Variants in NBPF11 observed in about 807,000 individuals in gnomAD.
NBPF11 encodes the protein NBPF family member NBPF11.
A neutral mutation model predicts 93.9 loss-of-function variants in NBPF11; 72 were observed. The ratio of observed to expected loss-of-function variants is 0.77; its 90% CI spans 0.63 to 0.93. NBPF11 has a LOEUF of 0.93. NBPF11 is among the 40% of genes least tolerant of loss of function. The pLI, the probability that NBPF11 is intolerant of heterozygous loss-of-function variation, is 0.00. For missense variants in NBPF11, 705 were observed against 802.2 expected (o/e 0.88, Z 1.46); for synonymous variants, 224 against 304.9 (o/e 0.73, Z 2.76).
intron 1 of NBPF11, chr1:148,149,381 A>C: frequency 6.3e-7 from 1 of 1,594,858 alleles, no homozygotes; most frequent in Non-Finnish European, 8.5e-7. Context: ...CGTGCTCATC[A>C]TCCACGGCAG....
chr1:148,135,617 C>G, intron 4 of NBPF11, 55 bp downstream of exon 4: 1 of 564,344 alleles, frequency 1.8e-6, no homozygotes, highest in Non-Finnish European at 3.1e-6. Context: ...CATCTCTGCC[C>G]TGGAAAAACT....
rs1287788414 is a variant in NBPF11, at chr1:148,105,657, C to A, written c.2304-129G>T. The A allele has an allele frequency of 9.5e-6, 6 of 629,222 alleles. No homozygotes were observed. The East Asian group carries it at 1.2e-4, about 13-fold the overall frequency. The allele number at this position is 629,222 out of a possible 1,614,324, so 39.0% of individuals were successfully genotyped here. A position where few individuals can be genotyped will look rare whatever the true frequency, so the allele number is the denominator to read the frequency against. Reference sequence around the variant, plus strand: ...AAGGATAGATCTATTAATGAGGTAACAAATTATTGCCTTCATGTTGGGACA... The same window carrying A: ...AAGGATAGATCTATTAATGAGGTAAAAAATTATTGCCTTCATGTTGGGACA... On this transcript the variant is annotated intron_variant, in intron 21 of 23. Coordinates refer to ENST00000682118, the MANE Select transcript of NBPF11 (RefSeq NM_001385469.3).
chr1:148,147,931 T>A (rs1673458850), intron 1 of NBPF11, among the ~76,000 whole-genome samples: 3 of 152,014 alleles, frequency 2.0e-5, no homozygotes, highest in Middle Eastern at 3.2e-3. Flanking sequence ...TGCCCCTTTG[T>A]CCTGCAGGAA....
At chr1:148,127,816 T>A (rs1316590087) in intron 4 of NBPF11, among the ~76,000 whole-genome samples, 1 of 77,192 alleles carries the variant, frequency 1.3e-5, no homozygotes, top group Non-Finnish European at 2.5e-5. Context: ...CTAATTTTTC[T>A]TTTTTTTTTT....
intron 1 of NBPF11, chr1:148,149,701 A>G: frequency 1.6e-6 from 1 of 616,426 alleles, no homozygotes; most frequent in Non-Finnish European, 2.8e-6. Flanking sequence ...GGGGCTGTGG[A>G]CGATGTACAG....
intron 3 of NBPF11, among the ~76,000 whole-genome samples, chr1:148,137,045 G>C (rs1460983476): frequency 1.3e-5 from 2 of 151,874 alleles, no homozygotes; most frequent in African/African-American, 4.9e-5. Context: ...TTTCTGAAAT[G>C]GTCCCCAAAC....
chr1:148,130,702 C>T (rs1266423568), intron 4 of NBPF11, among the ~76,000 whole-genome samples: 2 of 151,456 alleles, frequency 1.3e-5, no homozygotes, highest in African/African-American at 4.9e-5. Flanking sequence ...TAATTCAATG[C>T]ACGTTTACAA....
chr1:148,121,640 C>T (rs1271992901), intron 9 of NBPF11, among the ~76,000 whole-genome samples: 1 of 151,690 alleles, frequency 6.6e-6, no homozygotes, highest in Admixed American at 6.6e-5. Flanking sequence ...CAGGTGTGAC[C>T]CACTGCGCCC....
At chr1:148,122,975 T>C (rs1553271945) in intron 7 of NBPF11, among the ~76,000 whole-genome samples, 174 bp from the exon 8 acceptor site, 2 of 137,180 alleles carry the variant, frequency 1.5e-5, no homozygotes, top group Admixed American at 6.9e-5. Context: ...CATCAGGCAA[T>C]GCATTTCTGA....
Position 148,105,360 on chromosome 1 carries a change from C to T in NBPF11, c.2472G>A (p.Glu824=), listed in dbSNP as rs1326548079. 8.8e-6 allele frequency: 7 copies of T among 795,230 alleles called. No individual in the cohort carries two copies. The highest frequency in any genetic ancestry group is 2.4e-5 in the East Asian group (1 of 41,230). 49.3% of individuals were successfully genotyped at this position (795,230 alleles called of 1,614,324 possible). A position where few individuals can be genotyped will look rare whatever the true frequency, so the allele number is the denominator to read the frequency against. The change falls in exon 22 of 24, where the codon GAG becomes GAA. Residue 824 remains glutamate, a splice_region_variant and synonymous_variant. Transcript: ENST00000682118. Reference sequence around the variant, plus strand: ...ATCACCTTCATAGAAAGGTACTCACCTCCCACGTCAAGAGAAAAGCCAACA... The same window carrying T: ...ATCACCTTCATAGAAAGGTACTCACTTCCCACGTCAAGAGAAAAGCCAACA... The part of the protein sequence containing the change: ...KNMLAFLLTW[E]KLKRRGRGRK...
At chr1:148,147,517 C>T (rs1442541676) in intron 1 of NBPF11, among the ~76,000 whole-genome samples, 1 of 152,022 alleles carries the variant, frequency 6.6e-6, no homozygotes, top group Non-Finnish European at 1.5e-5. Flanking sequence ...GGTGTTTGAG[C>T]AGCGCCCGGG....
intron 9 of NBPF11, 25 bp downstream of exon 9, chr1:148,122,030 G>C: frequency 6.7e-7 from 1 of 1,481,898 alleles, no homozygotes; most frequent in South Asian, 1.1e-5. Context: ...ACAGAGGTAT[G>C]AGACACAAGG....
intron 1 of NBPF11, chr1:148,146,426 G>T: frequency 6.2e-7 from 1 of 1,603,712 alleles, no homozygotes; most frequent in Middle Eastern, 2.3e-4. Context: ...GAGCTCTGCT[G>T]CCTCTTCTGC....
At chr1:148,122,348 A>G in intron 8 of NBPF11, 82 bp from the exon 9 acceptor site, 1 of 1,600,372 alleles carries the variant, frequency 6.2e-7, no homozygotes, top group South Asian at 1.1e-5. Flanking sequence ...TGGTTTTGAC[A>G]AGCGGCATTA....
intron 19 of NBPF11, among the ~76,000 whole-genome samples, 174 bp from the exon 20 acceptor site, chr1:148,107,288 G>C (rs1398607815): frequency 2.0e-5 from 3 of 148,944 alleles, no homozygotes; most frequent in African/African-American, 5.0e-5. Context: ...AGGTAGAAAA[G>C]AATGAAAGAG....
intron 1 of NBPF11, among the ~76,000 whole-genome samples, chr1:148,150,428 C>T (rs1647994160): frequency 6.6e-6 from 1 of 150,938 alleles, no homozygotes; most frequent in African/African-American, 2.5e-5. Context: ...AAATTGTGAA[C>T]TTCTTCTGTA....
At chr1:148,115,532 T>C (rs1666306392) in intron 14 of NBPF11, among the ~76,000 whole-genome samples, 2 of 151,644 alleles carry the variant, frequency 1.3e-5, no homozygotes, top group Non-Finnish European at 2.9e-5. Flanking sequence ...TTAGGAGGCC[T>C]GACAGATACT....
intron 17 of NBPF11, among the ~76,000 whole-genome samples, 186 bp from the exon 18 acceptor site, chr1:148,108,840 A>AAGACACAC (rs1391779327): frequency 2.1e-4 from 15 of 71,730 alleles, no homozygotes; most frequent in Non-Finnish European, 3.6e-4. Flanking sequence ...ATGAAAGAGA[A>AAGACACAC]AGACACACAC....
In NBPF11 at chr1:148,108,483, A is replaced by T. The variant is rs587687023; in HGVS notation, c.2025T>A (p.Asp675Glu). 6.5e-7 allele frequency: 1 copy of T among 1,548,992 alleles called. No individual in the cohort carries two copies. The highest frequency in any genetic ancestry group is 1.4e-5 in the African/African-American group (1 of 71,616). Residue 675 changes from aspartate to glutamate, a missense_variant and splice_region_variant, in exon 18 of 24, where the codon GAT (aspartate) becomes GAA (glutamate). Around this residue, in one of 12 missense-constraint regions of NBPF11, gnomAD observed 97 missense variants for 65.0 expected, o/e 1.49. Transcript: ENST00000682118. ...QQRIGLAVDMDEIEKYQEVEE... is the reference protein window; with the variant it reads ...QQRIGLAVDMEEIEKYQEVEE... ...TCACCTTCATAGAAAGGTACTCACC[A>T]TCCATGTCAACAGCCAAGCCAATAC...
Sources: allele counts gnomAD v4.1 joint callset (sites outside exome capture counted in the v4.1 genomes callset), GRCh38; gene constraint gnomAD v4.1.1; regional missense constraint gnomAD v4.1.1; transcripts MANE v1.5; gene names NCBI Gene and HGNC (gene_info 2026-07-23, HGNC 2026-07-21).